LYPD4: variants seen among roughly 807,000 people sequenced by gnomAD.
LYPD4 encodes ly6/PLAUR domain-containing protein 4.
In LYPD4, 20 loss-of-function variants were observed where a neutral mutation model predicts 18.2. The ratio of observed to expected loss-of-function variants is 1.10; its 90% CI spans 0.77 to 1.59. The LOEUF is 1.59. LYPD4 is among the 40% of genes most tolerant of loss of function. The pLI is 0.00. For synonymous variants in LYPD4, 111 were observed against 118.3 expected, an observed-to-expected ratio of 0.94 and a Z score of 0.40; for missense variants, 278 against 300.3, an observed-to-expected ratio of 0.93 and a Z score of 0.55.
intron 3 of LYPD4, 81 bp from the exon 4 acceptor site, chr19:41,838,342 C>A: frequency 8.0e-7 from 1 of 1,244,574 alleles, no homozygotes; most frequent in Non-Finnish European, 1.1e-6. Flanking sequence ...GCTCTTTCTG[C>A]ACCCACCCTG....
chr19:41,836,916 G>GA (rs1555830468), downstream of LYPD4, among the ~76,000 whole-genome samples: 1 of 152,042 alleles, frequency 6.6e-6, no homozygotes, highest in African/African-American at 2.4e-5. Context: ...TCCAGAGGAA[G>GA]GGGAAGGAGA....
chr19:41,835,561 C>T (rs574808145), downstream of LYPD4: 1 of 153,312 alleles, frequency 6.5e-6, no homozygotes, highest in African/African-American at 2.4e-5. Flanking sequence ...AAGAGGTGGG[C>T]GAAGCCCACT....
At chr19:41,837,616 C>A (rs782664845) in intron 4 of LYPD4, among the ~76,000 whole-genome samples, 2 of 151,958 alleles carry the variant, frequency 1.3e-5, no homozygotes, top group African/African-American at 4.8e-5. Flanking sequence ...ATCACTTGAA[C>A]CTGGGAGGCA....
downstream of LYPD4, among the ~76,000 whole-genome samples, chr19:41,836,315 A>C (rs1415159958): frequency 4.2e-5 from 6 of 141,446 alleles, no homozygotes; most frequent in Admixed American, 2.2e-4. Flanking sequence ...AAAAAAAAAA[A>C]AAAAAAAAAA....
At chr19:41,837,473 G>A in intron 4 of LYPD4, 128 bp from the exon 5 acceptor site, 1 of 973,298 alleles carries the variant, frequency 1.0e-6, no homozygotes, top group South Asian at 1.5e-5. Flanking sequence ...ATCACTTGAG[G>A]ACTTAAGGCC....
intron 1 of LYPD4, among the ~76,000 whole-genome samples, chr19:41,842,841 G>C (rs1304314431): frequency 7.4e-6 from 1 of 134,598 alleles, no homozygotes; most frequent in Non-Finnish European, 1.6e-5. Flanking sequence ...TGGATAGATT[G>C]TAAAATCACA....
chr19:41,842,015 T>C (rs2073611194), intron 1 of LYPD4, among the ~76,000 whole-genome samples: 1 of 152,142 alleles, frequency 6.6e-6, no homozygotes, highest in South Asian at 2.1e-4. Flanking sequence ...ATTACAAAAA[T>C]GTCCACCTTC....
chr19:41,837,428 G>A (rs2073403207), intron 4 of LYPD4, 83 bp from the exon 5 acceptor site: 4 of 1,471,880 alleles, frequency 2.7e-6, no homozygotes, highest in Non-Finnish European at 3.8e-6. Flanking sequence ...GCTCACACCT[G>A]TAATCCCAGC....
chr19:41,843,902 C>G lies in LYPD4; in HGVS notation c.-445G>C. 1 of 45,180 alleles carries G rather than the reference C, an allele frequency of 2.2e-5. No individual in the cohort carries two copies. Among genetic ancestry groups the G allele is most frequent in the Non-Finnish European group, 3.7e-5 (1 of 26,862 alleles). 2.8% of individuals were successfully genotyped at this position (45,180 alleles called of 1,614,324 possible). ...CCAGAAAAGATTGAAGTGAAATCCT[C>G]AAGCAAAAAAAAAAAAAAAAAAAAA... is the stretch of plus-strand genomic sequence containing the variant. On this transcript the variant is annotated 5_prime_UTR_variant, in exon 1 of 5. Coordinates refer to ENST00000609812, the MANE Select transcript of LYPD4 (RefSeq NM_173506.7).
intron 3 of LYPD4, 70 bp downstream of exon 3, chr19:41,838,811 G>C: frequency 6.9e-7 from 1 of 1,450,334 alleles, no homozygotes; most frequent in Non-Finnish European, 9.5e-7. Flanking sequence ...ACAGTCCCTC[G>C]GTGCTGGGAG....
At chr19:41,837,472 G>A in intron 4 of LYPD4, 127 bp from the exon 5 acceptor site, 1 of 982,970 alleles carries the variant, frequency 1.0e-6, no homozygotes, top group Non-Finnish European at 1.5e-6. Flanking sequence ...GATCACTTGA[G>A]GACTTAAGGC....
chr19:41,842,727 C>A (rs1291665671), intron 1 of LYPD4, among the ~76,000 whole-genome samples: 1 of 127,024 alleles, frequency 7.9e-6, no homozygotes, highest in Non-Finnish European at 1.6e-5. Context: ...CACCATTGCA[C>A]TCCAGCCTGG....
downstream of LYPD4, chr19:41,835,746 G>A (rs949919042): frequency 3.9e-5 from 38 of 983,248 alleles, no homozygotes; most frequent in African/African-American, 1.9e-4. Context: ...CCGAAACCTC[G>A]TGTCAGTCCC....
chr19:41,838,269 G>A lies in LYPD4; in HGVS notation c.212-8C>T, dbSNP rs1327005123. The A allele has an allele frequency of 1.3e-6, 2 of 1,518,842 alleles. No individual in the cohort carries two copies. Among genetic ancestry groups the A allele is most frequent in the South Asian group, 1.3e-5 (1 of 75,802 alleles). 94.1% of individuals were successfully genotyped at this position (1,518,842 alleles called of 1,614,324 possible). A position where few individuals can be genotyped will look rare whatever the true frequency, so the allele number is the denominator to read the frequency against. ...CGACTCCCCTTGCAGTCCCTGAGGAGCAGAGGATTGAGAGAGCTCAGATCA... is the reference window on the plus strand; with the variant it reads ...CGACTCCCCTTGCAGTCCCTGAGGAACAGAGGATTGAGAGAGCTCAGATCA... On this transcript the variant is annotated splice_polypyrimidine_tract_variant and splice_region_variant and intron_variant, in intron 3 of 4. Coordinates refer to ENST00000609812, the MANE Select transcript of LYPD4 (RefSeq NM_173506.7).
chr19:41,839,608 G>A, intron 1 of LYPD4: 2 of 378,350 alleles, frequency 5.3e-6, no homozygotes, highest in South Asian at 4.1e-5. Context: ...CTGGCTTACT[G>A]ATATGCAGGC....
intron 1 of LYPD4, among the ~76,000 whole-genome samples, chr19:41,842,919 C>T (rs11879631): frequency 0.021 from 3,056 of 147,834 alleles, 110 homozygotes; most frequent in African/African-American, 0.071. Context: ...AAACAGAGGT[C>T]GGGTGTGGTC....
chr19:41,839,596 TCCTGG>T (rs1555832754), intron 1 of LYPD4, 191 bp from the exon 2 acceptor site: 1 of 407,012 alleles, frequency 2.5e-6, no homozygotes, highest in African/African-American at 2.0e-5. Flanking sequence ...GAGCAGAGAA[TCCTGG>T]CTTACTGATA....
At chr19:41,841,357 A>G (rs2073583356) in intron 1 of LYPD4, among the ~76,000 whole-genome samples, 1 of 152,106 alleles carries the variant, frequency 6.6e-6, no homozygotes. Flanking sequence ...CCAAAAAAAA[A>G]AAAAAGTTTA....
At chr19:41,838,354 C>T in intron 3 of LYPD4, 93 bp from the exon 4 acceptor site, 1 of 1,110,102 alleles carries the variant, frequency 9.0e-7, no homozygotes. Flanking sequence ...CCCACCCTGC[C>T]TGTCACAATC....
Sources: allele counts gnomAD v4.1 joint callset (sites outside exome capture counted in the v4.1 genomes callset), GRCh38; gene constraint gnomAD v4.1.1; transcripts MANE v1.5; gene names NCBI Gene and HGNC (gene_info 2026-07-23, HGNC 2026-07-21).